The following MICAL3 variants were observed in gnomAD, a reference collection of about 807,000 sequenced individuals.
MICAL3 encodes the protein microtubule associated monooxygenase, calponin and LIM domain containing 3, also known as [F-actin]-monooxygenase MICAL3.
Under a neutral mutation model 207.4 loss-of-function variants are expected in MICAL3, and 62 were observed. The observed-to-expected ratio is 0.30, with a 90% CI of 0.24 to 0.37. MICAL3 has a LOEUF of 0.37. Among genes scored for constraint, MICAL3 ranks in the 10% least tolerant of loss-of-function variants. MICAL3 has a pLI of 1.00. For missense variants in MICAL3, 2,368 were observed against 2,635.6 expected, an observed-to-expected ratio of 0.90 and a Z score of 2.22; for synonymous variants, 1,077 against 1,069.3, an observed-to-expected ratio of 1.01 and a Z score of -0.14.
At chr22:17,916,130 C>T (rs1457614185) in intron 1 of MICAL3, among the ~76,000 whole-genome samples, 1 of 151,120 alleles carries the variant, frequency 6.6e-6, no homozygotes, top group Admixed American at 6.6e-5. Context: ...CACAATTTCT[C>T]TTCTGCCATG....
rs981538838 is a variant in MICAL3, at chr22:17,790,539, C to T, written c.*193G>A. 1.9e-5 allele frequency: 11 copies of T among 593,982 alleles called. No individual in the cohort carries two copies. The highest frequency in any genetic ancestry group is 3.0e-5 in the Non-Finnish European group (10 of 336,698). The allele number at this position is 593,982 out of a possible 1,614,324, so 36.8% of individuals were successfully genotyped here. On this transcript the variant is annotated 3_prime_UTR_variant, in exon 32 of 32. Coordinates refer to ENST00000441493, the MANE Select transcript of MICAL3 (RefSeq NM_015241.3). Reference sequence around the variant, plus strand: ...TGGGCCTCCTCCCAGGAGGTGGAGCCGTCTCAGATAACCACTGTCACCTGG... The same window carrying T: ...TGGGCCTCCTCCCAGGAGGTGGAGCTGTCTCAGATAACCACTGTCACCTGG...
At chr22:17,846,199 C>A (rs920803770) in intron 19 of MICAL3, among the ~76,000 whole-genome samples, 8 of 152,156 alleles carry the variant, frequency 5.3e-5, no homozygotes, top group African/African-American at 1.9e-4. Flanking sequence ...GGCCATTGAG[C>A]CAGGTCCACA....
rs1250380374 is a variant in MICAL3, at chr22:17,818,745, C to A, written c.3916G>T (p.Asp1306Tyr). The change falls in exon 26 of 32, where the codon GAC (aspartate) becomes TAC (tyrosine). Residue 1306 changes from aspartate (D) to tyrosine (Y), a missense_variant. This residue lies in a region of MICAL3 where 1,770 missense variants were observed against 1,863.2 expected (regional missense o/e 0.95). Coordinates refer to ENST00000441493, the MANE Select transcript of MICAL3 (RefSeq NM_015241.3). ...LPVQSQSDTK[D>Y]RLGSPLAVDE... ...ACAGCAAGGGGGCTGCCCAGTCTGT[C>A]CTTGGTGTCACTTTGGCTTTGGACA... The A allele has an allele frequency of 6.2e-7, 1 of 1,603,188 alleles. No individual in the cohort carries two copies. The highest frequency in any genetic ancestry group is 1.3e-5 in the African/African-American group (1 of 74,756).
intron 28 of MICAL3, among the ~76,000 whole-genome samples, chr22:17,809,778 G>A (rs1199268635): frequency 6.6e-6 from 1 of 152,184 alleles, no homozygotes; most frequent in Non-Finnish European, 1.5e-5. Flanking sequence ...GAGGCTGAGG[G>A]GCCACAAATG....
intron 20 of MICAL3, among the ~76,000 whole-genome samples, chr22:17,839,157 A>T (rs992058062): frequency 2.0e-5 from 3 of 149,800 alleles, no homozygotes; most frequent in Non-Finnish European, 4.4e-5. Flanking sequence ...TCATCATGTT[A>T]CTGCTGCTCT....
At chr22:17,915,451 G>A (rs115386973) in intron 1 of MICAL3, among the ~76,000 whole-genome samples, 118 of 152,324 alleles carry the variant, frequency 7.7e-4, no homozygotes, top group African/African-American at 2.5e-3. Context: ...CGAGATGACC[G>A]GAGAACTTGT....
At chr22:17,807,460 T>C (rs140720046) in intron 29 of MICAL3, among the ~76,000 whole-genome samples, 113 of 152,326 alleles carry the variant, frequency 7.4e-4, no homozygotes, top group African/African-American at 2.5e-3. Flanking sequence ...TATCGGATGC[T>C]AAGTGCTTCA....
rs1569083438 is a variant in MICAL3 at position 17,827,627 on chromosome 22, G to GGGCTGGGA, written c.3193+9_3193+16dup. ...GGTGCTCGGGGCACACTGCGGCCTG[G>GGGCTGGGA]GGCTGGGAGTGTTTACCTCCGGAAG... is the stretch of plus-strand genomic sequence containing the variant. On this transcript the variant is annotated intron_variant, in intron 22 of 31. Coordinates refer to ENST00000441493, the MANE Select transcript of MICAL3 (RefSeq NM_015241.3). 1.3e-6 allele frequency: 2 copies of GGGCTGGGA among 1,549,832 alleles called. No homozygotes were observed. Among genetic ancestry groups the GGGCTGGGA allele is most frequent in the South Asian group, 2.4e-5 (2 of 83,944 alleles).
chr22:17,939,562 A>C (rs994631147), intron 1 of MICAL3, among the ~76,000 whole-genome samples: 1 of 152,236 alleles, frequency 6.6e-6, no homozygotes, highest in Non-Finnish European at 1.5e-5. Flanking sequence ...TGGATAGTGA[A>C]TTTGGCCACA....
At position 17,842,437 on chromosome 22, in the gene MICAL3, C is replaced by T. The variant is rs575779754; in HGVS notation, c.2606-420G>A. On this transcript the variant is annotated intron_variant, in intron 19 of 31. Transcript: ENST00000441493. ...GGATCCAGGCCCCCACCAGGTGCCT[C>T]CCCCAATGCCTGCCCCGGGATCCAA... 12 of 183,946 alleles carry T rather than the reference C, an allele frequency of 6.5e-5. No individual in the cohort carries two copies. In the East Asian group the frequency reaches 8.1e-4, roughly 12 times the overall value. 11.4% of individuals were successfully genotyped at this position (183,946 alleles called of 1,614,324 possible).
chr22:17,982,791 A>T (rs990481534), intron 1 of MICAL3, among the ~76,000 whole-genome samples: 3 of 151,978 alleles, frequency 2.0e-5, no homozygotes, highest in African/African-American at 7.2e-5. Flanking sequence ...AAAATAAAAT[A>T]AAATAAAAAA....
chr22:17,876,771 GTTATGGAGGTTAGGGAGGTTAGGGAA>G (rs1928443817), intron 16 of MICAL3: 7 of 124,534 alleles, frequency 5.6e-5, no homozygotes, highest in East Asian at 5.3e-4. Context: ...GGTTAGGGAA[GTTATGGAGGTTAGGGAGGTTAGGGAA>G]GTTATGGAGG....
intron 29 of MICAL3, among the ~76,000 whole-genome samples, chr22:17,805,683 T>G (rs2061982405): frequency 6.6e-6 from 1 of 152,254 alleles, no homozygotes; most frequent in South Asian, 2.1e-4. Flanking sequence ...GTACAAATAC[T>G]TGTAGCTCTT....
intron 1 of MICAL3, among the ~76,000 whole-genome samples, chr22:17,938,474 C>G (rs753490167): frequency 1.3e-5 from 2 of 152,262 alleles, no homozygotes; most frequent in East Asian, 3.9e-4. Context: ...CTTTTCCCTA[C>G]GCTGCTGTGT....
chr22:17,837,643 G>A (rs1277962653), intron 20 of MICAL3, among the ~76,000 whole-genome samples: 1 of 152,212 alleles, frequency 6.6e-6, no homozygotes, highest in Non-Finnish European at 1.5e-5. Flanking sequence ...CAGGAGACAG[G>A]CCCCACCTTG....
At chr22:17,848,937 G>A (rs1001792959) in intron 19 of MICAL3, among the ~76,000 whole-genome samples, 6 of 152,218 alleles carry the variant, frequency 3.9e-5, no homozygotes, top group Admixed American at 3.9e-4. Flanking sequence ...AGGAGGGCAA[G>A]CCCCAGAGCC....
In MICAL3 at chr22:17,906,772, A is replaced by T. The variant is rs1250734280; in HGVS notation, c.41T>A (p.Val14Asp). ...GGCCTGGACAAACCGGTCAAAGAGG[A>T]CATGAGCTGGGTTCATGGTCTCATG... ...RKHETMNPAH[V>D]LFDRFVQATT... The change falls in exon 2 of 32, where the codon GTC becomes GAC. Residue 14 changes from valine to aspartate, a missense_variant. By Grantham distance (152) the Val-to-Asp change is radical (BLOSUM62 -3). Transcript: ENST00000441493. The T allele has an allele frequency of 6.2e-7, 1 of 1,613,306 alleles. No homozygotes were observed. The highest frequency in any genetic ancestry group is 2.2e-5 in the East Asian group (1 of 44,858).
chr22:17,884,916 C>T (rs1399320749), intron 16 of MICAL3, among the ~76,000 whole-genome samples: 1 of 152,172 alleles, frequency 6.6e-6, no homozygotes, highest in Non-Finnish European at 1.5e-5. Flanking sequence ...CCCATCTGGT[C>T]CATAGGAAGA....
intron 16 of MICAL3, chr22:17,876,681 G>A (rs1051701750): frequency 6.6e-6 from 1 of 152,532 alleles, no homozygotes; most frequent in Non-Finnish European, 1.5e-5. Flanking sequence ...GGGCAGAGAG[G>A]GCAAGTACAC....
Sources: allele counts gnomAD v4.1 joint callset (sites outside exome capture counted in the v4.1 genomes callset), GRCh38; gene constraint gnomAD v4.1.1; regional missense constraint gnomAD v4.1.1; transcripts MANE v1.5; gene names NCBI Gene and HGNC (gene_info 2026-07-23, HGNC 2026-07-21).